EPB41L4A: variants seen among roughly 807,000 people sequenced by gnomAD.
EPB41L4A encodes the protein band 4.1-like protein 4A.
In EPB41L4A, 100 loss-of-function variants were observed where a neutral mutation model predicts 108.6. The ratio of observed to expected loss-of-function variants is 0.92; its 90% CI spans 0.78 to 1.09. The LOEUF is 1.09. EPB41L4A is among the 50% of genes least tolerant of loss of function. The pLI, the probability that EPB41L4A is intolerant of heterozygous loss-of-function variation, is 0.00. For synonymous variants in EPB41L4A, 319 were observed against 289.0 expected (o/e 1.10, Z -1.05); for missense variants, 1,030 against 842.7 (o/e 1.22, Z -2.75).
intron 12 of EPB41L4A, among the ~76,000 whole-genome samples, chr5:112,149,953 A>C (rs968880597): frequency 6.6e-6 from 1 of 152,216 alleles, no homozygotes; most frequent in Non-Finnish European, 1.5e-5. Flanking sequence ...TGACCCACGC[A>C]TAACGTCTGT....
intron 1 of EPB41L4A, among the ~76,000 whole-genome samples, chr5:112,322,557 G>C (rs767706096): frequency 3.3e-5 from 5 of 152,140 alleles, no homozygotes; most frequent in Admixed American, 6.5e-5. Flanking sequence ...TTGATGCTTG[G>C]AAGAACTGTC....
At chr5:112,289,396 G>T (rs1365813097) in intron 2 of EPB41L4A, among the ~76,000 whole-genome samples, 1 of 152,138 alleles carries the variant, frequency 6.6e-6, no homozygotes, top group Non-Finnish European at 1.5e-5. Flanking sequence ...AGCCTACTCA[G>T]GTAATCCAGG....
chr5:112,208,107 G>A (rs1315333247), intron 13 of EPB41L4A, among the ~76,000 whole-genome samples: 2 of 152,072 alleles, frequency 1.3e-5, no homozygotes, highest in Non-Finnish European at 2.9e-5. Context: ...TTAGCTGGGA[G>A]TGGTGGCACA....
chr5:112,162,522 C>G (rs1039291403), downstream of EPB41L4A: 1 of 152,168 alleles, frequency 6.6e-6, no homozygotes, highest in African/African-American at 2.4e-5. Flanking sequence ...GACAGGTGTG[C>G]TTTACTGCAC....
chr5:112,301,553 G>A (rs1056610740), intron 2 of EPB41L4A, among the ~76,000 whole-genome samples: 3 of 152,072 alleles, frequency 2.0e-5, no homozygotes, highest in Non-Finnish European at 2.9e-5. Flanking sequence ...CAGTGTCTCT[G>A]GGTTCCTGCA....
At chr5:112,273,463 C>T (rs1001182458) in intron 4 of EPB41L4A, among the ~76,000 whole-genome samples, 1 of 152,110 alleles carries the variant, frequency 6.6e-6, no homozygotes, top group African/African-American at 2.4e-5. Flanking sequence ...TTTTTTATCC[C>T]TTCTTAAAAT....
chr5:112,227,870 C>T (rs1748583756), intron 12 of EPB41L4A, among the ~76,000 whole-genome samples: 2 of 152,328 alleles, frequency 1.3e-5, no homozygotes, highest in South Asian at 4.1e-4. Flanking sequence ...ACTGCACCTA[C>T]CTTGGGTCAA....
chr5:112,268,091 T>C lies in EPB41L4A; in HGVS notation c.336-1761A>G, dbSNP rs914201806. ...TAGGAGAACTTAAAATACAAAACCT[T>C]ATAAACAAGAGTGGGCATGGTGGCT... On this transcript the variant is annotated intron_variant, in intron 4 of 22. Coordinates refer to ENST00000261486, the MANE Select transcript of EPB41L4A (RefSeq NM_022140.5). Among the ~76,000 whole-genome samples, 45 of 152,158 alleles carry C rather than the reference T, an allele frequency of 3.0e-4. 1 individual carries two copies. The highest frequency in any genetic ancestry group is 9.2e-4 in the African/African-American group (38 of 41,434).
intron 9 of EPB41L4A, among the ~76,000 whole-genome samples, chr5:112,257,994 G>A (rs540757443): frequency 1.3e-5 from 2 of 152,232 alleles, no homozygotes; most frequent in East Asian, 3.9e-4. Flanking sequence ...AGAACACATT[G>A]GATTTCCTCC....
intron 2 of EPB41L4A, among the ~76,000 whole-genome samples, chr5:112,289,862 T>C (rs1482840322): frequency 1.3e-5 from 2 of 152,070 alleles, no homozygotes; most frequent in Non-Finnish European, 2.9e-5. Flanking sequence ...TTAAAGCCCC[T>C]ACATTTTGAG....
At position 112,209,969 on chromosome 5, in the gene EPB41L4A, G is replaced by T; in HGVS notation, c.1101C>A (p.Ile367=). 1.9e-6 allele frequency: 3 copies of T among 1,584,350 alleles called. No homozygotes were observed. The highest frequency in any genetic ancestry group is 1.3e-5 in the African/African-American group (1 of 74,390). ...TTTCCATGTTTGCAGTTATCCTACT[G>T]ATGCTGTTTGATTCTAGCAGAGGAG... is the stretch of plus-strand genomic sequence containing the variant. ...AQTQPAESNS[I]SRITANMENG... Residue 367 remains isoleucine, a synonymous_variant, in exon 13 of 23, where the codon ATC becomes ATA. Coordinates refer to ENST00000261486, the MANE Select transcript of EPB41L4A (RefSeq NM_022140.5).
At chr5:112,307,795 C>A (rs1428731403) in intron 1 of EPB41L4A, among the ~76,000 whole-genome samples, 1 of 152,058 alleles carries the variant, frequency 6.6e-6, no homozygotes, top group African/African-American at 2.4e-5. Flanking sequence ...TAAAGATAAT[C>A]TTTTATATGA....
At chr5:112,175,992 G>A (rs1580370488) in intron 18 of EPB41L4A, among the ~76,000 whole-genome samples, 1 of 152,072 alleles carries the variant, frequency 6.6e-6, no homozygotes, top group East Asian at 1.9e-4. Context: ...CCAAATTCAA[G>A]TCTCTAAGGA....
In EPB41L4A at chr5:112,267,528, C is replaced by T. The variant is rs974679739; in HGVS notation, c.336-1198G>A. Among the ~76,000 whole-genome samples the T allele has an allele frequency of 4.3e-4, 65 of 152,278 alleles. 2 individuals are homozygous for T. The highest frequency in any genetic ancestry group is 1.4e-3 in the African/African-American group (59 of 41,550). On this transcript the variant is annotated intron_variant, in intron 4 of 22. Transcript: ENST00000261486. ...TGCCCATTTCAGTAAATGGCACCCC[C>T]GCCTTCAGATGTCCACGTAAAATAA...
intron 22 of EPB41L4A, among the ~76,000 whole-genome samples, chr5:112,166,629 C>G (rs1183524233): frequency 2.0e-5 from 3 of 152,182 alleles, no homozygotes; most frequent in Admixed American, 6.5e-5. Context: ...TGTTGCTTCT[C>G]TAGCTCAGGC....
chr5:112,345,392 A>G (rs562562992), intron 1 of EPB41L4A, among the ~76,000 whole-genome samples: 1 of 152,318 alleles, frequency 6.6e-6, no homozygotes, highest in East Asian at 1.9e-4. Context: ...GTTTGAACAC[A>G]TATTTAATGA....
At chr5:112,348,557 G>A (rs964603128) in intron 1 of EPB41L4A, among the ~76,000 whole-genome samples, 9 of 152,276 alleles carry the variant, frequency 5.9e-5, no homozygotes, top group Middle Eastern at 6.8e-3. Context: ...TGCAGGGGAA[G>A]GGGAAACTCA....
intron 9 of EPB41L4A, among the ~76,000 whole-genome samples, chr5:112,245,848 G>C (rs1750172676): frequency 6.6e-6 from 1 of 152,148 alleles, no homozygotes; most frequent in Non-Finnish European, 1.5e-5. Flanking sequence ...GAGTGAGAGA[G>C]GTCCAAACAT....
intron 9 of EPB41L4A, among the ~76,000 whole-genome samples, chr5:112,244,274 G>A (rs1372018732): frequency 1.3e-5 from 2 of 152,142 alleles, no homozygotes; most frequent in Non-Finnish European, 2.9e-5. Context: ...AATTAAGATC[G>A]CTATCTTACA....
Sources: gnomAD v4.1 joint callset for allele counts (sites outside exome capture counted in the v4.1 genomes callset) on GRCh38, gnomAD v4.1.1 for gene constraint, MANE v1.5 for transcripts, NCBI Gene and HGNC (gene_info 2026-07-23, HGNC 2026-07-21) for gene names.